Variants in SLC22A9 observed in about 807,000 individuals in gnomAD.
SLC22A9 encodes solute carrier family 22 member 9.
SLC22A9 carries 64 observed loss-of-function variants against 50.1 expected under a neutral mutation model. The ratio of observed to expected loss-of-function variants is 1.28; its 90% CI spans 1.04 to 1.57. The LOEUF (loss-of-function observed/expected upper bound fraction) is 1.57. Among genes scored for constraint, SLC22A9 ranks in the 40% most tolerant of loss-of-function variants. The probability of loss-of-function intolerance (pLI) is 0.00; values close to 1 mark genes in which losing one functional copy is unlikely to be tolerated. For synonymous variants in SLC22A9, 261 were observed against 242.5 expected (o/e 1.08, Z -0.71); for missense variants, 757 against 676.1 (o/e 1.12, Z -1.33).
intron 6 of SLC22A9, among the ~76,000 whole-genome samples, chr11:63,387,816 C>T (rs1565185326): frequency 6.6e-6 from 1 of 152,016 alleles, no homozygotes; most frequent in Non-Finnish European, 1.5e-5. Flanking sequence ...TAATCCTCTT[C>T]AATTTCTTAC....
intron 6 of SLC22A9, among the ~76,000 whole-genome samples, chr11:63,405,713 G>C (rs1422294895): frequency 6.6e-6 from 1 of 152,074 alleles, no homozygotes. Flanking sequence ...GTACTCACTG[G>C]GAGTTTGACT....
At chr11:63,408,635 A>G (rs1219409846) in intron 8 of SLC22A9, 41 bp from the exon 9 acceptor site, 2 of 1,574,412 alleles carry the variant, frequency 1.3e-6, no homozygotes. Context: ...GCCTGTGTGG[A>G]TTTTTAACAG....
chr11:63,370,800 C>G (rs1028402481), intron 1 of SLC22A9, among the ~76,000 whole-genome samples: 16 of 152,030 alleles, frequency 1.1e-4, no homozygotes, highest in Non-Finnish European at 2.1e-4. Flanking sequence ...GCCTCCATGC[C>G]CAGAGTATAC....
Position 63,369,795 on chromosome 11 carries a change from C to G in SLC22A9, c.-262C>G. The G allele has an allele frequency of 4.9e-6, 2 of 409,506 alleles. No homozygotes were observed. The highest frequency in any genetic ancestry group is 8.6e-6 in the Non-Finnish European group (2 of 231,524). The allele number at this position is 409,506 out of a possible 1,614,324, so 25.4% of individuals were successfully genotyped here. The stretch of plus-strand genomic sequence containing the variant: ...AAAAAGTAGAATTTTAAACACATTT[C>G]ATTGTAAACGACTGGGAGTATCTGA... On this transcript the variant is annotated 5_prime_UTR_variant, in exon 1 of 10. Transcript: ENST00000279178.
Position 63,384,501 on chromosome 11 carries a change from G to A in SLC22A9, c.1073+2224G>A, listed in dbSNP as rs770772000. Among the ~76,000 whole-genome samples, 62 of 152,042 alleles carry A rather than the reference G, an allele frequency of 4.1e-4. 1 individual carries two copies. The highest frequency in any genetic ancestry group is 7.4e-4 in the Non-Finnish European group (50 of 67,982). The stretch of plus-strand genomic sequence containing the variant: ...TTTTTTTATGGCTGCATAGTAGTTC[G>A]TGGTGTACATGTACCACATTTTCTT... On this transcript the variant is annotated intron_variant, in intron 6 of 9. Coordinates refer to ENST00000279178, the MANE Select transcript of SLC22A9 (RefSeq NM_080866.3).
rs548713 is a variant in SLC22A9, at chr11:63,378,634, C to T, written c.954+2866C>T. ...ACATACAAATCCCTGTAGTTGTAGC[C>T]CAAAAGCTCCTTGATCTGGTAAACA... On this transcript the variant is annotated intron_variant, in intron 5 of 9. Coordinates refer to ENST00000279178, the MANE Select transcript of SLC22A9 (RefSeq NM_080866.3). Among the ~76,000 whole-genome samples, 985 of 152,122 alleles carry T rather than the reference C, an allele frequency of 6.5e-3. 12 individuals carry two copies. The highest frequency in any genetic ancestry group is 0.022 in the African/African-American group (917 of 41,516).
At chr11:63,377,398 A>T (rs993819444) in intron 5 of SLC22A9, among the ~76,000 whole-genome samples, 2 of 152,182 alleles carry the variant, frequency 1.3e-5, no homozygotes, top group African/African-American at 2.4e-5. Context: ...AATATGAAGA[A>T]GATCTCCCAA....
intron 6 of SLC22A9, among the ~76,000 whole-genome samples, chr11:63,395,636 G>A (rs968818201): frequency 1.3e-5 from 2 of 152,076 alleles, no homozygotes; most frequent in Non-Finnish European, 2.9e-5. Flanking sequence ...GGGTGAAATT[G>A]ACTCTATGCA....
At chr11:63,401,634 T>A (rs2014953617) in intron 6 of SLC22A9, among the ~76,000 whole-genome samples, 2 of 152,004 alleles carry the variant, frequency 1.3e-5, no homozygotes, top group South Asian at 4.1e-4. Flanking sequence ...TCCTAAAAGT[T>A]ACACAAAATC....
rs537514467 is a variant in SLC22A9, at chr11:63,402,714, A to G, written c.1074-3783A>G. On this transcript the variant is annotated intron_variant, in intron 6 of 9. Coordinates refer to ENST00000279178, the MANE Select transcript of SLC22A9 (RefSeq NM_080866.3). ...GTAAAATTATGTTTTAAAAGATCAC[A>G]TAATTAGTAAATGGTACAATCAGAA... 1.9e-3 allele frequency among the ~76,000 whole-genome samples: 285 copies of G among 152,228 alleles called. 2 individuals carry two copies. The highest frequency in any genetic ancestry group is 6.7e-3 in the African/African-American group (278 of 41,566).
At chr11:63,391,277 A>G (rs1000789204) in intron 6 of SLC22A9, among the ~76,000 whole-genome samples, 1 of 152,086 alleles carries the variant, frequency 6.6e-6, no homozygotes, top group Admixed American at 6.6e-5. Flanking sequence ...AGCTGAGGAG[A>G]AAAGTGCATA....
chr11:63,383,600 C>A (rs2014605523), intron 6 of SLC22A9, among the ~76,000 whole-genome samples: 1 of 151,996 alleles, frequency 6.6e-6, no homozygotes, highest in South Asian at 2.1e-4. Context: ...GTGCATACAC[C>A]AATGCAAAGC....
At position 63,385,433 on chromosome 11, in the gene SLC22A9, T is replaced by A. The variant is rs769852792; in HGVS notation, c.1073+3156T>A. ...ATTCTTCCTATCCATGAAGATGGAA[T>A]GTTTTTCCATCTGCTTGTGTCCTTT... On this transcript the variant is annotated intron_variant, in intron 6 of 9. Transcript: ENST00000279178. Among the ~76,000 whole-genome samples, 3 of 152,274 alleles carry A rather than the reference T, an allele frequency of 2.0e-5. No homozygotes were observed. The South Asian group carries it at 6.2e-4, about 32-fold the overall frequency.
rs563571771 is a variant in SLC22A9 at position 63,406,637 on chromosome 11, A to G, written c.1214A>G (p.Asn405Ser). 49 of 1,613,796 alleles carry G rather than the reference A, an allele frequency of 3.0e-5. No individual in the cohort carries two copies. In the South Asian group the frequency reaches 5.2e-4, roughly 17 times the overall value. ...GCACCTTGGGCACTGAAATACATGA[A>G]CCGTCGAGCAAGCCAGATGCTTCTC... ...CVAPWALKYMNRRASQMLLMF... is the reference protein window; with the variant it reads ...CVAPWALKYMSRRASQMLLMF... The change falls in exon 7 of 10, where the codon AAC becomes AGC. Residue 405 changes from asparagine (N) to serine (S), a missense_variant. Asn to Ser is a conservative substitution (Grantham distance 46). Transcript: ENST00000279178.
At chr11:63,385,106 GTT>G (rs149124193) in intron 6 of SLC22A9, among the ~76,000 whole-genome samples, 41 of 76,522 alleles carry the variant, frequency 5.4e-4, no homozygotes, top group South Asian at 2.6e-3. Flanking sequence ...TGATGATACA[GTT>G]TTTTTTTTTT....
chr11:63,406,464 A>G (rs1386389249), intron 6 of SLC22A9, 33 bp from the exon 7 acceptor site: 13 of 1,582,790 alleles, frequency 8.2e-6, no homozygotes, highest in Non-Finnish European at 9.5e-6. Context: ...TCCACAGATT[A>G]TAATATGTTT....
intron 6 of SLC22A9, among the ~76,000 whole-genome samples, chr11:63,398,694 G>A (rs995801072): frequency 2.0e-5 from 3 of 150,830 alleles, no homozygotes; most frequent in African/African-American, 7.5e-5. Flanking sequence ...GCCACTGCTG[G>A]GAGATGGGCA....
chr11:63,383,932 C>G (rs555299689), intron 6 of SLC22A9, among the ~76,000 whole-genome samples: 1 of 151,978 alleles, frequency 6.6e-6, no homozygotes, highest in South Asian at 2.1e-4. Flanking sequence ...GCCTGTAGTC[C>G]CAGCTACTTG....
rs1480422295 is a variant in SLC22A9, at chr11:63,370,084, G to A, written c.28G>A (p.Ala10Thr). Residue 10 changes from alanine to threonine, a missense_variant, in exon 1 of 10, where the codon GCT (alanine) becomes ACT (threonine). Physicochemically the swap from Ala to Thr is moderately conservative, Grantham distance 58. Transcript: ENST00000279178. The part of the protein sequence containing the change: MAFQDLLGH[A>T]GDLWRFQILQ... ...GGCCTTTCAGGACCTCCTGGGTCAC[G>A]CTGGTGACCTGTGGAGATTCCAGAT... 8.7e-6 allele frequency: 14 copies of A among 1,613,270 alleles called. No homozygotes were observed. The highest frequency in any genetic ancestry group is 5.3e-5 in the African/African-American group (4 of 75,020).
Sources: allele counts gnomAD v4.1 joint callset (sites outside exome capture counted in the v4.1 genomes callset), GRCh38; gene constraint gnomAD v4.1.1; transcripts MANE v1.5; gene names NCBI Gene and HGNC (gene_info 2026-07-23, HGNC 2026-07-21).